The following CNTNAP2 variants were observed in gnomAD, a reference collection of about 807,000 sequenced individuals.
CNTNAP2 encodes contactin associated protein 2, also known as contactin-associated protein-like 2.
CNTNAP2 carries 98 observed loss-of-function variants against 155.2 expected under a neutral mutation model. The ratio of observed to expected loss-of-function variants is 0.63; its 90% confidence interval spans 0.54 to 0.75. The LOEUF (loss-of-function observed/expected upper bound fraction) is 0.75. Among genes scored for constraint, CNTNAP2 ranks in the 30% least tolerant of loss-of-function variants. The pLI, the probability that CNTNAP2 is intolerant of heterozygous loss-of-function variation, is 0.00. For synonymous variants in CNTNAP2, 651 were observed against 631.2 expected, an observed-to-expected ratio of 1.03 and a Z score of -0.47; for missense variants, 1,727 against 1,688.1, an observed-to-expected ratio of 1.02 and a Z score of -0.40.
At chr7:147,880,854 GGTGTGTGTGTGTGTGTGT>G (rs71183032) in intron 13 of CNTNAP2, among the ~76,000 whole-genome samples, 3 of 143,088 alleles carry the variant, frequency 2.1e-5, no homozygotes, top group African/African-American at 5.2e-5. Context: ...ATTGGAGTTG[GGTGTGTGTGTGTGTGTGT>G]GTGTGTGTGT....
chr7:146,992,666 C>A (rs561511025), intron 3 of CNTNAP2, among the ~76,000 whole-genome samples: 2 of 152,134 alleles, frequency 1.3e-5, no homozygotes, highest in East Asian at 1.9e-4. Context: ...CCCCTTTGTA[C>A]CTGGCTGTCT....
intron 8 of CNTNAP2, among the ~76,000 whole-genome samples, chr7:147,282,134 G>T (rs1172388964): frequency 6.6e-6 from 1 of 151,796 alleles, no homozygotes; most frequent in Non-Finnish European, 1.5e-5. Context: ...TTCTTCAGAG[G>T]CTACGGCTTT....
intron 20 of CNTNAP2, among the ~76,000 whole-genome samples, chr7:148,259,668 C>T (rs113938450): frequency 1.3e-4 from 20 of 152,188 alleles, no homozygotes; most frequent in African/African-American, 4.3e-4. Flanking sequence ...TTAGCTTCTC[C>T]ACTGCATCCC....
At chr7:147,831,096 T>C (rs1051565539) in intron 13 of CNTNAP2, among the ~76,000 whole-genome samples, 7 of 152,162 alleles carry the variant, frequency 4.6e-5, no homozygotes, top group Non-Finnish European at 1.0e-4. Flanking sequence ...CAAATATGCC[T>C]GGTAATATGA....
intron 13 of CNTNAP2, among the ~76,000 whole-genome samples, chr7:147,790,602 C>A (rs1797805344): frequency 6.6e-6 from 1 of 152,148 alleles, no homozygotes; most frequent in African/African-American, 2.4e-5. Context: ...ACTTTTATCC[C>A]ATTTTATAAC....
intron 13 of CNTNAP2, among the ~76,000 whole-genome samples, chr7:147,794,509 G>A (rs1012473035): frequency 6.6e-6 from 1 of 151,856 alleles, no homozygotes; most frequent in African/African-American, 2.4e-5. Context: ...CATGAGATAT[G>A]ATCCTTTTCA....
In CNTNAP2 at chr7:148,183,250, A is replaced by C. The variant is rs78603502; in HGVS notation, c.3010+10772A>C. On this transcript the variant is annotated intron_variant, in intron 18 of 23. Transcript: ENST00000361727. ...CATGGATACCCACGCTGAAGGTTCT[A>C]CTGGGAGGGCTGCCTGATTCAAAGT... Among the ~76,000 whole-genome samples, 1,489 of 152,324 alleles carry C rather than the reference A, an allele frequency of 9.8e-3. 25 individuals carry two copies. Among genetic ancestry groups the C allele is most frequent in the African/African-American group, 0.034 (1,411 of 41,576 alleles).
At chr7:147,134,658 C>T (rs1801443028) in intron 8 of CNTNAP2, among the ~76,000 whole-genome samples, 1 of 151,538 alleles carries the variant, frequency 6.6e-6, no homozygotes, top group Non-Finnish European at 1.5e-5. Flanking sequence ...CATATGGAAA[C>T]CATAGGACAT....
At chr7:146,936,204 G>A (rs550633503) in intron 3 of CNTNAP2, among the ~76,000 whole-genome samples, 134 of 152,262 alleles carry the variant, frequency 8.8e-4, no homozygotes, top group Non-Finnish European at 1.5e-3. Flanking sequence ...AAAATTACGG[G>A]AGGCTATTGT....
chr7:146,683,060 GTC>G (rs139724235), intron 1 of CNTNAP2, among the ~76,000 whole-genome samples: 16,272 of 152,030 alleles, frequency 0.11, 2,702 homozygotes, highest in African/African-American at 0.35. Flanking sequence ...TTGAGACAGA[GTC>G]TCTCTCTGAC....
intron 9 of CNTNAP2, among the ~76,000 whole-genome samples, chr7:147,363,338 A>C (rs900456896): frequency 1.3e-5 from 2 of 152,170 alleles, no homozygotes; most frequent in African/African-American, 4.8e-5. Context: ...TGAACTGTGA[A>C]AAAGGAATGT....
chr7:146,638,507 T>C (rs1292802438), intron 1 of CNTNAP2, among the ~76,000 whole-genome samples: 2 of 124,936 alleles, frequency 1.6e-5, no homozygotes, highest in East Asian at 2.2e-4. Flanking sequence ...TTCTTTGAGA[T>C]GGAGTCTCAC....
chr7:146,390,371 A>G (rs766136813), intron 1 of CNTNAP2, among the ~76,000 whole-genome samples: 1 of 151,996 alleles, frequency 6.6e-6, no homozygotes, highest in African/African-American at 2.4e-5. Flanking sequence ...AATGGAACAT[A>G]TGGACATGAT....
intron 1 of CNTNAP2, among the ~76,000 whole-genome samples, chr7:146,444,314 C>T (rs991995623): frequency 2.0e-5 from 3 of 152,216 alleles, no homozygotes; most frequent in South Asian, 4.2e-4. Context: ...CATGAACCAC[C>T]GCACCCAGCC....
intron 4 of CNTNAP2, among the ~76,000 whole-genome samples, chr7:147,094,845 A>G (rs961605523): frequency 6.6e-6 from 1 of 152,106 alleles, no homozygotes; most frequent in Admixed American, 6.6e-5. Context: ...AGAATAATAT[A>G]AACTAGATAG....
At chr7:146,384,205 A>G (rs926289015) in intron 1 of CNTNAP2, among the ~76,000 whole-genome samples, 3 of 152,232 alleles carry the variant, frequency 2.0e-5, no homozygotes, top group African/African-American at 4.8e-5. Flanking sequence ...CATAAAGTGA[A>G]TTGTGTGCTC....
At chr7:148,197,203 G>A (rs1010997986) in intron 18 of CNTNAP2, among the ~76,000 whole-genome samples, 1 of 151,988 alleles carries the variant, frequency 6.6e-6, no homozygotes, top group Admixed American at 6.6e-5. Flanking sequence ...TGTCCCTGAC[G>A]AAAAATATGT....
intron 3 of CNTNAP2, among the ~76,000 whole-genome samples, chr7:146,954,867 C>T (rs1376898075): frequency 1.3e-5 from 2 of 151,888 alleles, no homozygotes; most frequent in Non-Finnish European, 2.9e-5. Context: ...GTCCCAGAAA[C>T]ATTTATCAAT....
chr7:147,808,735 C>G lies in CNTNAP2; in HGVS notation c.2099-94830C>G, dbSNP rs1798132701. Among the ~76,000 whole-genome samples the G allele has an allele frequency of 3.3e-5, 5 of 152,142 alleles. No homozygotes were observed. In the South Asian group the frequency reaches 1.0e-3, roughly 31 times the overall value. On this transcript the variant is annotated intron_variant, in intron 13 of 23. Coordinates refer to ENST00000361727, the MANE Select transcript of CNTNAP2 (RefSeq NM_014141.6). ...GAAATTCCTTCTCATCCTTTAAAAC[C>G]CAGTTAAATCTGACTTCTATAAAGT...
Sources: allele counts gnomAD v4.1 joint callset (sites outside exome capture counted in the v4.1 genomes callset), GRCh38; gene constraint gnomAD v4.1.1; transcripts MANE v1.5; gene names NCBI Gene and HGNC (gene_info 2026-07-23, HGNC 2026-07-21).